The following DLG2 variants were observed in gnomAD, a reference collection of about 807,000 sequenced individuals.
The protein encoded by DLG2 is disks large homolog 2.
DLG2 carries 45 observed loss-of-function variants against 132.5 expected under a neutral mutation model. The observed-to-expected ratio is 0.34, with a 90% confidence interval of 0.27 to 0.44. The LOEUF (loss-of-function observed/expected upper bound fraction) is 0.44, where lower values mean the gene tolerates loss of function less well. Ranked by LOEUF, DLG2 falls within the 20% of genes least tolerant of loss-of-function variation. The pLI, the probability that DLG2 is intolerant of heterozygous loss-of-function variation, is 1.00. For synonymous variants in DLG2, 424 were observed against 419.6 expected, an observed-to-expected ratio of 1.01 and a Z score of -0.13; for missense variants, 1,045 against 1,196.9, an observed-to-expected ratio of 0.87 and a Z score of 1.87.
At chr11:84,443,119 T>A (rs532968501) in intron 7 of DLG2, among the ~76,000 whole-genome samples, 1 of 152,042 alleles carries the variant, frequency 6.6e-6, no homozygotes, top group Non-Finnish European at 1.5e-5. Context: ...TTTTCTCCTC[T>A]TAAAATCATC....
chr11:85,244,679 T>TAGA (rs1299795901), intron 4 of DLG2, among the ~76,000 whole-genome samples: 2 of 151,894 alleles, frequency 1.3e-5, no homozygotes, highest in Non-Finnish European at 2.9e-5. Flanking sequence ...ACTAAGGAAA[T>TAGA]AGATAGTTCC....
intron 6 of DLG2, among the ~76,000 whole-genome samples, chr11:84,784,115 T>C (rs1165461236): frequency 1.8e-5 from 2 of 109,554 alleles, no homozygotes; most frequent in African/African-American, 7.4e-5. Context: ...CTGGCCAATA[T>C]AGTGAAACCC....
intron 19 of DLG2, among the ~76,000 whole-genome samples, chr11:83,593,673 G>A (rs561487491): frequency 0.018 from 2,504 of 142,202 alleles, 84 homozygotes; most frequent in African/African-American, 0.062. Flanking sequence ...AAAAAAAAAA[G>A]AAAAAAAAAG....
chr11:84,326,137 T>C (rs2098430461), intron 7 of DLG2, among the ~76,000 whole-genome samples: 1 of 152,050 alleles, frequency 6.6e-6, no homozygotes, highest in African/African-American at 2.4e-5. Flanking sequence ...TCTTTTTTTA[T>C]TGGTTAATCT....
chr11:85,165,536 C>T (rs1387876034), intron 4 of DLG2, among the ~76,000 whole-genome samples: 1 of 152,192 alleles, frequency 6.6e-6, no homozygotes, highest in Admixed American at 6.6e-5. Context: ...AAGGAAAGTA[C>T]TTTGAAATGA....
At chr11:84,597,231 AAAG>A (rs986275545) in intron 6 of DLG2, among the ~76,000 whole-genome samples, 4 of 152,178 alleles carry the variant, frequency 2.6e-5, no homozygotes, top group African/African-American at 9.7e-5. Context: ...AAAAAAGAAA[AAAG>A]AAAAAAAAAT....
rs557645711 is a variant in DLG2, at chr11:84,316,958, C to G, written c.520-65667G>C. 3.8e-4 allele frequency: 613 copies of G among 1,612,760 alleles called. 9 individuals are homozygous for G. In the South Asian group the frequency reaches 5.1e-3, roughly 13 times the overall value. On this transcript the variant is annotated intron_variant, in intron 7 of 27. Coordinates refer to ENST00000376104, the MANE Select transcript of DLG2 (RefSeq NM_001142699.3). Reference sequence around the variant, plus strand: ...CCTGTTGAAGCTGGACCCCCCGGTCCTGTTTGAAGCTGGGCCCCCTGGTCC... The same window carrying G: ...CCTGTTGAAGCTGGACCCCCCGGTCGTGTTTGAAGCTGGGCCCCCTGGTCC...
At chr11:83,540,524 G>A (rs890042746) in intron 20 of DLG2, among the ~76,000 whole-genome samples, 4 of 152,140 alleles carry the variant, frequency 2.6e-5, no homozygotes, top group Non-Finnish European at 5.9e-5. Context: ...AACAGCTGAG[G>A]ACCAGTGAGC....
At chr11:83,863,154 T>C (rs183547026) in intron 16 of DLG2, among the ~76,000 whole-genome samples, 3 of 152,190 alleles carry the variant, frequency 2.0e-5, no homozygotes, top group Non-Finnish European at 4.4e-5. Context: ...AAGGAACCTA[T>C]GTGTGTTCAC....
chr11:83,653,323 A>C (rs1213923299), intron 18 of DLG2, among the ~76,000 whole-genome samples: 2 of 152,214 alleles, frequency 1.3e-5, no homozygotes, highest in Non-Finnish European at 2.9e-5. Context: ...CCAGAGATAA[A>C]AGACACAATT....
At chr11:84,979,590 G>C (rs960925194) in intron 6 of DLG2, among the ~76,000 whole-genome samples, 1 of 151,984 alleles carries the variant, frequency 6.6e-6, no homozygotes, top group Admixed American at 6.6e-5. Flanking sequence ...CTCACTCATA[G>C]GTGGGAACTG....
chr11:84,828,678 C>T lies in DLG2; in HGVS notation c.357+282983G>A, dbSNP rs376159392. Among the ~76,000 whole-genome samples, 13 of 151,770 alleles carry T rather than the reference C, an allele frequency of 8.6e-5. No homozygotes were observed. In the East Asian group the frequency reaches 2.2e-3, roughly 25 times the overall value. On this transcript the variant is annotated intron_variant, in intron 6 of 27. Transcript: ENST00000376104. ...GAGGAAAAATAAAGACATGGAGGTG[C>T]CAAAGCTAAGGCACAATAGAATCAC...
chr11:84,706,447 C>T (rs897570131), intron 6 of DLG2, among the ~76,000 whole-genome samples: 1 of 151,708 alleles, frequency 6.6e-6, no homozygotes, highest in Non-Finnish European at 1.5e-5. Flanking sequence ...TTAATATTTT[C>T]TGAGTGATAC....
intron 6 of DLG2, among the ~76,000 whole-genome samples, chr11:84,718,623 C>T (rs1194095858): frequency 6.6e-6 from 1 of 152,126 alleles, no homozygotes; most frequent in Non-Finnish European, 1.5e-5. Context: ...ACAAATAATT[C>T]ACCTTTGTTA....
At chr11:84,437,066 C>A (rs994519334) in intron 7 of DLG2, among the ~76,000 whole-genome samples, 1 of 152,192 alleles carries the variant, frequency 6.6e-6, no homozygotes, top group African/African-American at 2.4e-5. Context: ...GCTCTCTGAA[C>A]AAGCATAAAC....
Position 83,469,341 on chromosome 11 carries a change from C to A in DLG2, c.2479G>T (p.Asp827Tyr), listed in dbSNP as rs550649657. The change falls in exon 25 of 28, where the codon GAT (aspartate) becomes TAT (tyrosine). Residue 827 changes from aspartate (D) to tyrosine (Y), a missense_variant. Around this residue, in one of 4 missense-constraint regions of DLG2, gnomAD observed 398 missense variants for 543.6 expected, o/e 0.73. Coordinates refer to ENST00000376104, the MANE Select transcript of DLG2 (RefSeq NM_001142699.3). ...TTRPKRDYEV[D>Y]GRDYHFVISR... Reference sequence around the variant, plus strand: ...ATGACAAAGTGATAGTCTCTGCCATCCACCTCGTAGTCTCGCTTTGGCCTC... The same window carrying A: ...ATGACAAAGTGATAGTCTCTGCCATACACCTCGTAGTCTCGCTTTGGCCTC... The A allele has an allele frequency of 6.2e-7, 1 of 1,613,226 alleles. No homozygotes were observed. Among genetic ancestry groups the A allele is most frequent in the Non-Finnish European group, 8.5e-7 (1 of 1,179,654 alleles).
intron 19 of DLG2, among the ~76,000 whole-genome samples, chr11:83,552,990 C>T (rs1053250766): frequency 1.2e-4 from 18 of 152,184 alleles, no homozygotes; most frequent in Non-Finnish European, 2.6e-4. Flanking sequence ...TAGCAGGCTA[C>T]ATTTCAGTTG....
chr11:84,992,372 T>TATCC lies in DLG2; in HGVS notation c.357+119285_357+119288dup, dbSNP rs554774130. Among the ~76,000 whole-genome samples, 11 of 152,334 alleles carry TATCC rather than the reference T, an allele frequency of 7.2e-5. 1 individual carries two copies. The South Asian group carries it at 2.3e-3, about 32-fold the overall frequency. On this transcript the variant is annotated intron_variant, in intron 6 of 27. Transcript: ENST00000376104. ...AATATGTTCCCAGATCCTAGACTGA[T>TATCC]ATCCTGTAACTGTTTAAAAAATATT...
At chr11:83,890,326 G>GT (rs1009393825) in intron 15 of DLG2, among the ~76,000 whole-genome samples, 22 of 149,286 alleles carry the variant, frequency 1.5e-4, no homozygotes, top group South Asian at 2.1e-4. Flanking sequence ...AAAAGGTAGA[G>GT]TTTTTTTTTT....
Sources: gnomAD v4.1 joint callset for allele counts (sites outside exome capture counted in the v4.1 genomes callset) on GRCh38, gnomAD v4.1.1 for gene constraint, gnomAD v4.1.1 regional missense constraint, MANE v1.5 for transcripts, NCBI Gene and HGNC (gene_info 2026-07-23, HGNC 2026-07-21) for gene names.